Variants in NEGR1 observed in about 807,000 individuals in gnomAD.
NEGR1 encodes the protein IgLON family member 4.
A neutral mutation model predicts 40.9 loss-of-function variants in NEGR1; 10 were observed. That is an observed-to-expected ratio of 0.24 (90% CI 0.15 to 0.42). The LOEUF is 0.42. Among genes scored for constraint, NEGR1 ranks in the 10% least tolerant of loss-of-function variants. NEGR1 has a pLI of 1.00. For missense variants in NEGR1, 352 were observed against 438.9 expected (o/e 0.80, Z 1.77); for synonymous variants, 185 against 166.8 (o/e 1.11, Z -0.84).
At chr1:71,953,667 T>C (rs1570548229) in intron 1 of NEGR1, among the ~76,000 whole-genome samples, 1 of 152,084 alleles carries the variant, frequency 6.6e-6, no homozygotes. Context: ...GCCAACTTCA[T>C]TGTTGTCATA....
At chr1:72,092,848 C>T (rs1289128640) in intron 1 of NEGR1, among the ~76,000 whole-genome samples, 1 of 152,014 alleles carries the variant, frequency 6.6e-6, no homozygotes, top group Non-Finnish European at 1.5e-5. Context: ...GAATAGGTTT[C>T]ACCATTGTGC....
chr1:72,208,334 C>A (rs1429938492), intron 1 of NEGR1, among the ~76,000 whole-genome samples: 2 of 151,680 alleles, frequency 1.3e-5, no homozygotes, highest in Admixed American at 1.3e-4. Flanking sequence ...TATGCCAATG[C>A]ATTTCTGTCA....
At chr1:71,968,454 C>T (rs1646229043) in intron 1 of NEGR1, among the ~76,000 whole-genome samples, 1 of 152,078 alleles carries the variant, frequency 6.6e-6, no homozygotes, top group East Asian at 1.9e-4. Flanking sequence ...CTATTGCATA[C>T]TGGTTCTAGA....
intron 4 of NEGR1, among the ~76,000 whole-genome samples, chr1:71,626,001 A>G (rs907155224): frequency 6.6e-6 from 1 of 151,852 alleles, no homozygotes; most frequent in African/African-American, 2.4e-5. Context: ...CCTATTGTGA[A>G]CTGTACATGT....
At chr1:72,103,910 G>C (rs1175947340) in intron 1 of NEGR1, among the ~76,000 whole-genome samples, 2 of 152,030 alleles carry the variant, frequency 1.3e-5, no homozygotes, top group Non-Finnish European at 1.5e-5. Context: ...ATGCTATACA[G>C]ACAAAATTTT....
At chr1:71,918,841 T>C (rs1219463921) in intron 2 of NEGR1, among the ~76,000 whole-genome samples, 3 of 152,162 alleles carry the variant, frequency 2.0e-5, no homozygotes, top group African/African-American at 7.2e-5. Flanking sequence ...TCAGAACAGA[T>C]TGTATAACCA....
At chr1:71,688,309 C>CATGTATATAT (rs1653107613) in intron 4 of NEGR1, among the ~76,000 whole-genome samples, 1 of 41,376 alleles carries the variant, frequency 2.4e-5, no homozygotes, top group Non-Finnish European at 4.5e-5. Flanking sequence ...TTTCCCTTTT[C>CATGTATATAT]ATATATATAT....
intron 1 of NEGR1, among the ~76,000 whole-genome samples, chr1:72,152,204 G>T (rs1651152014): frequency 6.6e-6 from 1 of 151,696 alleles, no homozygotes; most frequent in Non-Finnish European, 1.5e-5. Context: ...GTAAACAAAT[G>T]AAAGGAATAT....
chr1:71,760,589 A>G (rs1475583206), intron 3 of NEGR1, among the ~76,000 whole-genome samples: 4 of 152,192 alleles, frequency 2.6e-5, no homozygotes, highest in Admixed American at 2.6e-4. Context: ...AAATTCACAA[A>G]AGCTCCACAT....
chr1:71,398,316 G>A lies in NEGR1; in HGVS notation c.*9130C>T, dbSNP rs1297221377. 3 of 152,528 alleles carry A rather than the reference G, an allele frequency of 2.0e-5. No individual in the cohort carries two copies. The East Asian group carries it at 5.8e-4, about 29-fold the overall frequency. The allele number at this position is 152,528 out of a possible 1,614,324, so 9.4% of individuals were successfully genotyped here. A position where few individuals can be genotyped will look rare whatever the true frequency, so the allele number is the denominator to read the frequency against. ...GAAAAGGCACAGACACTCAATGCCAGCTGGTGAAAGCAGCCAGGAGGAGGG... is the reference window on the plus strand; with the variant it reads ...GAAAAGGCACAGACACTCAATGCCAACTGGTGAAAGCAGCCAGGAGGAGGG... On this transcript the variant is annotated 3_prime_UTR_variant, in exon 7 of 7. Transcript: ENST00000357731.
intron 3 of NEGR1, among the ~76,000 whole-genome samples, chr1:71,714,652 G>A (rs916122771): frequency 6.6e-6 from 1 of 152,186 alleles, no homozygotes; most frequent in Non-Finnish European, 1.5e-5. Flanking sequence ...ATCCAATAGG[G>A]CAGTCATTAA....
chr1:71,831,775 G>A (rs1658848409), intron 2 of NEGR1, among the ~76,000 whole-genome samples: 1 of 148,186 alleles, frequency 6.7e-6, no homozygotes. Context: ...AGAGAGGAAA[G>A]ACCAAGGATA....
chr1:71,437,826 A>C (rs1410633458), intron 6 of NEGR1, among the ~76,000 whole-genome samples: 1 of 152,196 alleles, frequency 6.6e-6, no homozygotes, highest in East Asian at 1.9e-4. Context: ...GCTATATTTC[A>C]GGCAAGGAGA....
Position 71,999,632 on chromosome 1 carries a change from A to AATATATATATATAT in NEGR1, c.177-64335_177-64322dup, listed in dbSNP as rs528857972. Among the ~76,000 whole-genome samples the AATATATATATATAT allele has an allele frequency of 3.4e-3, 164 of 48,246 alleles. 9 individuals are homozygous for AATATATATATATAT. Among genetic ancestry groups the AATATATATATATAT allele is most frequent in the Non-Finnish European group, 5.2e-3 (131 of 24,956 alleles). 31.7% of individuals were successfully genotyped at this position (48,246 alleles called of 152,430 possible). A position where few individuals can be genotyped will look rare whatever the true frequency, so the allele number is the denominator to read the frequency against. ...ATGTATTTGCATCTTGAGCAAAGCA[A>AATATATATATATAT]ATATATATATATATATATATATATA... On this transcript the variant is annotated intron_variant, in intron 1 of 6. Transcript: ENST00000357731.
intron 1 of NEGR1, among the ~76,000 whole-genome samples, chr1:72,058,610 T>C (rs1444151148): frequency 3.3e-5 from 5 of 151,670 alleles, no homozygotes. Flanking sequence ...ACCAATATTA[T>C]CTTGATGAGC....
intron 1 of NEGR1, among the ~76,000 whole-genome samples, chr1:72,083,943 G>A (rs183248406): frequency 3.3e-4 from 50 of 152,074 alleles, no homozygotes; most frequent in African/African-American, 1.0e-3. Context: ...GTGAGCATTC[G>A]GTGGGCTTTG....
chr1:71,842,833 T>C (rs1463978292), intron 2 of NEGR1, among the ~76,000 whole-genome samples: 2 of 152,188 alleles, frequency 1.3e-5, no homozygotes, highest in Non-Finnish European at 2.9e-5. Flanking sequence ...AGCTCTGTTA[T>C]GGAGTCTATA....
At chr1:71,919,616 G>A (rs1348352436) in intron 2 of NEGR1, among the ~76,000 whole-genome samples, 1 of 150,934 alleles carries the variant, frequency 6.6e-6, no homozygotes, top group African/African-American at 2.4e-5. Flanking sequence ...TGATTTTTTG[G>A]TTAGTGAATC....
chr1:71,532,835 A>G lies in NEGR1; in HGVS notation c.940+59982T>C, dbSNP rs141480050. Among the ~76,000 whole-genome samples, 341 of 151,748 alleles carry G rather than the reference A, an allele frequency of 2.2e-3. 4 individuals carry two copies. Among genetic ancestry groups the G allele is most frequent in the Non-Finnish European group, 4.2e-3 (282 of 67,728 alleles). ...TCTTGTTTAATGGAAAAGTACCCAG[A>G]CATACTTTGAGAATGTATGTGGATA... On this transcript the variant is annotated intron_variant, in intron 6 of 6. Coordinates refer to ENST00000357731, the MANE Select transcript of NEGR1 (RefSeq NM_173808.3).
Sources: gnomAD v4.1 joint callset for allele counts (sites outside exome capture counted in the v4.1 genomes callset) on GRCh38, gnomAD v4.1.1 for gene constraint, MANE v1.5 for transcripts, NCBI Gene and HGNC (gene_info 2026-07-23, HGNC 2026-07-21) for gene names.